UBE2O: variants seen among roughly 807,000 people sequenced by gnomAD.
UBE2O encodes the protein (E3-independent) E2 ubiquitin-conjugating enzyme.
In UBE2O, 15 loss-of-function variants were observed where a neutral mutation model predicts 125.8. That is an observed-to-expected ratio of 0.12 (90% CI 0.08 to 0.18). The LOEUF is 0.18. UBE2O is among the 10% of genes least tolerant of loss of function. UBE2O has a pLI of 1.00. For missense variants in UBE2O, 1,280 were observed against 1,723.6 expected, an observed-to-expected ratio of 0.74 and a Z score of 4.56; for synonymous variants, 708 against 703.2, an observed-to-expected ratio of 1.01 and a Z score of -0.11.
In UBE2O at chr17:76,399,995, G is replaced by T; in HGVS notation, c.1156-74C>A. ...GGCCTGGCCCTAGGCATCTCAGGCT[G>T]GGGGGATGACAGCTGTATACACCTG... On this transcript the variant is annotated intron_variant, in intron 8 of 17. Coordinates refer to ENST00000319380, the MANE Select transcript of UBE2O (RefSeq NM_022066.4). The surrounding 1 kb of genome is among the most constrained non-coding windows in gnomAD (Gnocchi z 6.9). 1.3e-6 allele frequency: 2 copies of T among 1,527,010 alleles called. No individual in the cohort carries two copies. Among genetic ancestry groups the T allele is most frequent in the Non-Finnish European group, 1.8e-6 (2 of 1,130,128 alleles). 94.6% of individuals were successfully genotyped at this position (1,527,010 alleles called of 1,614,324 possible).
intron 1 of UBE2O, among the ~76,000 whole-genome samples, chr17:76,416,322 C>T (rs967716984): frequency 3.9e-5 from 6 of 152,056 alleles, no homozygotes; most frequent in South Asian, 2.1e-4. Context: ...TTGCTGGAAA[C>T]GCAGACTCTC....
At position 76,453,040 on chromosome 17, in the gene UBE2O, C is replaced by G; in HGVS notation, c.102G>C (p.Pro34=). Residue 34 remains proline (P), a synonymous_variant, in exon 1 of 18, where the codon CCG becomes CCC. Coordinates refer to ENST00000319380, the MANE Select transcript of UBE2O (RefSeq NM_022066.4). ...AVPAPAAAPV[P]APAPASDSAS... is the part of the protein sequence containing the mutation. ...CCGAGTCCGAGGCGGGCGCCGGCGC[C>G]GGGACGGGGGCTGCGGCTGGGGCCG... 1.4e-6 allele frequency: 2 copies of G among 1,420,284 alleles called. No homozygotes were observed. Among genetic ancestry groups the G allele is most frequent in the South Asian group, 1.5e-5 (1 of 67,272 alleles). The allele number at this position is 1,420,284 out of a possible 1,614,324, so 88.0% of individuals were successfully genotyped here.
intron 1 of UBE2O, among the ~76,000 whole-genome samples, chr17:76,435,401 TAC>T (rs3219583): frequency 5.0e-4 from 48 of 96,822 alleles, no homozygotes; most frequent in African/African-American, 1.6e-3. Context: ...AATATACAGA[TAC>T]ACACACACAC....
chr17:76,402,891 C>G lies in UBE2O; in HGVS notation c.589-192G>C, dbSNP rs1312840278. ...CTACAAGTTCTAGGCTGCATCCCAG[C>G]TGCTCTTCCCAGTGAGGAGGAAGTG... On this transcript the variant is annotated intron_variant, in intron 3 of 17. Coordinates refer to ENST00000319380, the MANE Select transcript of UBE2O (RefSeq NM_022066.4). The surrounding 1 kb of genome is among the most constrained non-coding windows in gnomAD (Gnocchi z 5.4). 6.6e-6 allele frequency among the ~76,000 whole-genome samples: 1 copy of G among 152,118 alleles called. No individual in the cohort carries two copies. Among genetic ancestry groups the G allele is most frequent in the Non-Finnish European group, 1.5e-5 (1 of 68,030 alleles).
intron 1 of UBE2O, among the ~76,000 whole-genome samples, chr17:76,441,608 A>G (rs2073076090): frequency 6.6e-6 from 1 of 152,236 alleles, no homozygotes; most frequent in Non-Finnish European, 1.5e-5. Flanking sequence ...AATTCAAAAG[A>G]CAGTCCCAGC....
At chr17:76,432,559 C>A (rs1321944076) in intron 1 of UBE2O, among the ~76,000 whole-genome samples, 1 of 152,058 alleles carries the variant, frequency 6.6e-6, no homozygotes, top group African/African-American at 2.4e-5. Context: ...GACTTAAAGC[C>A]CTTTCAGTTT....
In UBE2O at chr17:76,398,447, AGCAAGCAGTAGGG is replaced by A; in HGVS notation, c.1896+12_1896+24del. 6.2e-7 allele frequency: 1 copy of A among 1,614,078 alleles called. No homozygotes were observed. The highest frequency in any genetic ancestry group is 8.5e-7 in the Non-Finnish European group (1 of 1,179,954). ...ACACCCAACCCCAGAGCCCACCTGA[AGCAAGCAGTAGGG>A]GCTGCACACACCTCCACGTCGTCCC... On this transcript the variant is annotated intron_variant, in intron 11 of 17. Transcript: ENST00000319380. This position sits in a 1 kb window ranked among gnomAD's most constrained non-coding sequence, Gnocchi z 5.4.
chr17:76,447,816 G>C (rs975106963), intron 1 of UBE2O, among the ~76,000 whole-genome samples: 1 of 152,120 alleles, frequency 6.6e-6, no homozygotes, highest in African/African-American at 2.4e-5. Flanking sequence ...GTGCCTCTTT[G>C]GTGCAGCATC....
At position 76,397,112 on chromosome 17, in the gene UBE2O, C is replaced by T. The variant is rs79289485; in HGVS notation, c.2116-291G>A. On this transcript the variant is annotated intron_variant, in intron 13 of 17. Transcript: ENST00000319380. ...GCACTTCGTCAGCATCTGTCCAAGG[C>T]GTTAGGGGACCTTGGCAGGCCCAGT... Among the ~76,000 whole-genome samples, 1,350 of 152,300 alleles carry T rather than the reference C, an allele frequency of 8.9e-3. 13 individuals carry two copies. The highest frequency in any genetic ancestry group is 0.014 in the Non-Finnish European group (981 of 68,028).
chr17:76,433,793 A>C (rs2143857865), intron 1 of UBE2O, among the ~76,000 whole-genome samples: 1 of 152,086 alleles, frequency 6.6e-6, no homozygotes, highest in East Asian at 1.9e-4. Flanking sequence ...AGGCCAAGGT[A>C]GGAGGATCGC....
At position 76,399,589 on chromosome 17, in the gene UBE2O, G is replaced by A. The variant is rs1421194664; in HGVS notation, c.1488C>T (p.Ser496=). 1.2e-6 allele frequency: 2 copies of A among 1,614,220 alleles called. No individual in the cohort carries two copies. Residue 496 remains serine, a synonymous_variant, in exon 9 of 18, where the codon TCC becomes TCT. Transcript: ENST00000319380. The surrounding 1 kb of genome is among the most constrained non-coding windows in gnomAD (Gnocchi z 6.9). ...DDTDDTSSVT[S]SASSTTSSQS... ...GGGAGGAAGTGGTGGAGCTGGCAGA[G>A]GAGGTCACCGAACTGGTGTCGTCCG...
At chr17:76,415,089 G>C (rs1055624940) in intron 1 of UBE2O, among the ~76,000 whole-genome samples, 1 of 152,176 alleles carries the variant, frequency 6.6e-6, no homozygotes, top group African/African-American at 2.4e-5. Context: ...TTTCAGATGC[G>C]ACAGGCTGCG....
rs1390542056 is a variant in UBE2O, at chr17:76,410,426, C to T, written c.418-4854G>A. On this transcript the variant is annotated intron_variant, in intron 1 of 17. Transcript: ENST00000319380. This position sits in a 1 kb window ranked among gnomAD's most constrained non-coding sequence, Gnocchi z 4.0. ...AGAGGCCAGAATGCTGAGCATCTAA[C>T]AACGCACAGGACATCCCTCAACGAA... Among the ~76,000 whole-genome samples, 1 of 152,066 alleles carries T rather than the reference C, an allele frequency of 6.6e-6. No individual in the cohort carries two copies. The highest frequency in any genetic ancestry group is 1.5e-5 in the Non-Finnish European group (1 of 68,014).
chr17:76,389,630 C>G lies in UBE2O; in HGVS notation c.*1313G>C, dbSNP rs2143648253. On this transcript the variant is annotated 3_prime_UTR_variant, in exon 18 of 18. Coordinates refer to ENST00000319380, the MANE Select transcript of UBE2O (RefSeq NM_022066.4). ...ATGTACAATGCACTGGGAAGCACAG[C>G]CCCACCAGTCACTCCGGGTGTTTCT... is the stretch of plus-strand genomic sequence containing the variant. 2 of 152,232 alleles carry G rather than the reference C, an allele frequency of 1.3e-5. No individual in the cohort carries two copies. The highest frequency in any genetic ancestry group is 4.2e-4 in the South Asian group (2 of 4,818). The allele number at this position is 152,232 out of a possible 1,614,324, so 9.4% of individuals were successfully genotyped here.
At chr17:76,445,888 T>C (rs2073142773) in intron 1 of UBE2O, among the ~76,000 whole-genome samples, 1 of 152,234 alleles carries the variant, frequency 6.6e-6, no homozygotes. Context: ...CGGGCACTCT[T>C]GCTCAGTAAG....
rs1567830881 is a variant in UBE2O at position 76,395,993 on chromosome 17, C to A, written c.2810-132G>T. 2.0e-6 allele frequency: 3 copies of A among 1,506,458 alleles called. No homozygotes were observed. The highest frequency in any genetic ancestry group is 2.7e-6 in the Non-Finnish European group (3 of 1,104,698). 93.3% of individuals were successfully genotyped at this position (1,506,458 alleles called of 1,614,324 possible). ...TGCTGGCCTCAGCACTGTGACCACA[C>A]AGGGAAATGGTTTGCCCTGGGGCAG... On this transcript the variant is annotated intron_variant, in intron 14 of 17. Coordinates refer to ENST00000319380, the MANE Select transcript of UBE2O (RefSeq NM_022066.4). This position sits in a 1 kb window ranked among gnomAD's most constrained non-coding sequence, Gnocchi z 5.0.
Position 76,396,872 on chromosome 17 carries a change from C to A in UBE2O, c.2116-51G>T. The A allele has an allele frequency of 1.3e-6, 2 of 1,489,212 alleles. No homozygotes were observed. The highest frequency in any genetic ancestry group is 1.8e-6 in the Non-Finnish European group (2 of 1,100,676). The allele number at this position is 1,489,212 out of a possible 1,614,324, so 92.2% of individuals were successfully genotyped here. A position where few individuals can be genotyped will look rare whatever the true frequency, so the allele number is the denominator to read the frequency against. On this transcript the variant is annotated intron_variant, in intron 13 of 17. Coordinates refer to ENST00000319380, the MANE Select transcript of UBE2O (RefSeq NM_022066.4). The surrounding 1 kb of genome is among the most constrained non-coding windows in gnomAD (Gnocchi z 6.7). ...GTAAGCAGACAGGAAGTCACCTCCC[C>A]ACCACTAAGGAGGAGCTCTGGGGAT...
chr17:76,425,225 CA>C (rs58377572), intron 1 of UBE2O, among the ~76,000 whole-genome samples: 98 of 95,078 alleles, frequency 1.0e-3, no homozygotes, highest in South Asian at 3.4e-3. Context: ...GTCCTTTCGA[CA>C]AAAAAAAAAA....
At chr17:76,393,865 T>C (rs943404413) in intron 15 of UBE2O, among the ~76,000 whole-genome samples, 1 of 152,216 alleles carries the variant, frequency 6.6e-6, no homozygotes, top group African/African-American at 2.4e-5. Context: ...GGCAGAGCGC[T>C]AGCTGGGGCG....
Sources: gnomAD v4.1 joint callset for allele counts (sites outside exome capture counted in the v4.1 genomes callset) on GRCh38, gnomAD v4.1.1 for gene constraint, Gnocchi (gnomAD v3.1) non-coding constraint, MANE v1.5 for transcripts, NCBI Gene and HGNC (gene_info 2026-07-23, HGNC 2026-07-21) for gene names.